PAK5: variants seen among roughly 807,000 people sequenced by gnomAD.
The protein encoded by PAK5 is serine/threonine-protein kinase PAK 5.
Under a neutral mutation model 65.9 loss-of-function variants are expected in PAK5, and 16 were observed. The observed-to-expected ratio is 0.24, with a 90% CI of 0.16 to 0.37. The LOEUF (loss-of-function observed/expected upper bound fraction) is 0.37. Ranked by LOEUF, PAK5 falls within the 10% of genes least tolerant of loss-of-function variation. The pLI is 1.00. For missense variants in PAK5, 785 were observed against 903.9 expected, an observed-to-expected ratio of 0.87 and a Z score of 1.69; for synonymous variants, 371 against 354.9, an observed-to-expected ratio of 1.05 and a Z score of -0.51.
chr20:9,834,157 G>T (rs1978964156), intron 1 of PAK5, among the ~76,000 whole-genome samples: 1 of 152,022 alleles, frequency 6.6e-6, no homozygotes, highest in African/African-American at 2.4e-5. Context: ...TTAAACATAG[G>T]CATTAAATGC....
In PAK5 at chr20:9,601,732, T is replaced by C. The variant is rs1319779039; in HGVS notation, c.205-20802A>G. 2.6e-5 allele frequency among the ~76,000 whole-genome samples: 4 copies of C among 152,024 alleles called. No individual in the cohort carries two copies. The East Asian group carries it at 5.8e-4, about 22-fold the overall frequency. On this transcript the variant is annotated intron_variant, in intron 3 of 9. Coordinates refer to ENST00000353224, the MANE Select transcript of PAK5 (RefSeq NM_177990.4). Reference sequence around the variant, plus strand: ...GGTGAACTGACAAAAGCAGAGGCTATTATATATATCGACTGGTTCCTTGAG... The same window carrying C: ...GGTGAACTGACAAAAGCAGAGGCTACTATATATATCGACTGGTTCCTTGAG...
At chr20:9,801,332 G>C (rs1467441132) in intron 1 of PAK5, among the ~76,000 whole-genome samples, 1 of 151,758 alleles carries the variant, frequency 6.6e-6, no homozygotes, top group Non-Finnish European at 1.5e-5. Context: ...TATTTATATA[G>C]ATATAAATAT....
At chr20:9,766,513 TTCAAGCAGA>T (rs1367720617) in intron 1 of PAK5, among the ~76,000 whole-genome samples, 29 of 38,874 alleles carry the variant, frequency 7.5e-4, no homozygotes, top group African/African-American at 6.7e-3. Flanking sequence ...TATATATATA[TTCAAGCAGA>T]ATATATATAT....
intron 2 of PAK5, among the ~76,000 whole-genome samples, chr20:9,663,768 C>T (rs1395331232): frequency 2.0e-5 from 3 of 152,104 alleles, no homozygotes; most frequent in Non-Finnish European, 4.4e-5. Context: ...AATATATTCC[C>T]TCAGTAGGAG....
intron 1 of PAK5, among the ~76,000 whole-genome samples, chr20:9,830,860 G>A (rs1003454016): frequency 6.6e-6 from 1 of 152,232 alleles, no homozygotes. Context: ...GGGATGCAAA[G>A]AGAGGGATGA....
intron 1 of PAK5, among the ~76,000 whole-genome samples, chr20:9,791,913 C>A (rs573472153): frequency 2.6e-4 from 40 of 152,188 alleles, no homozygotes; most frequent in African/African-American, 8.7e-4. Context: ...AAGACTTTGT[C>A]TTTGAGAACT....
intron 1 of PAK5, among the ~76,000 whole-genome samples, chr20:9,772,460 G>A (rs1198678073): frequency 1.8e-5 from 1 of 54,254 alleles, no homozygotes; most frequent in Admixed American, 1.7e-4. Flanking sequence ...GGGGATGTAT[G>A]CCATTGGTCA....
intron 1 of PAK5, among the ~76,000 whole-genome samples, chr20:9,715,073 C>A (rs929821647): frequency 3.3e-5 from 5 of 152,150 alleles, no homozygotes; most frequent in African/African-American, 1.2e-4. Flanking sequence ...AGATCTTCTG[C>A]ACAGCAAAAG....
chr20:9,578,181 T>G (rs2045919829), intron 4 of PAK5, among the ~76,000 whole-genome samples: 1 of 152,146 alleles, frequency 6.6e-6, no homozygotes, highest in South Asian at 2.1e-4. Context: ...CAACTAATTA[T>G]GAAACTGTAA....
chr20:9,550,074 T>C (rs2045402856), intron 7 of PAK5, among the ~76,000 whole-genome samples: 1 of 152,210 alleles, frequency 6.6e-6, no homozygotes, highest in African/African-American at 2.4e-5. Flanking sequence ...TAAAATGTAC[T>C]CCATGGAGAC....
intron 3 of PAK5, among the ~76,000 whole-genome samples, chr20:9,596,896 C>G (rs948774787): frequency 3.3e-5 from 5 of 152,156 alleles, no homozygotes; most frequent in African/African-American, 1.2e-4. Flanking sequence ...ACAGCAGACT[C>G]CAAGGGAGCA....
At position 9,736,955 on chromosome 20, in the gene PAK5, A is replaced by T. The variant is rs557814212; in HGVS notation, c.-161-25520T>A. ...CAGAGAAAAATAAAGTTGCCATCAG[A>T]TTTCTTATTAGAAACAGTGCAAATA... is the stretch of plus-strand genomic sequence containing the variant. On this transcript the variant is annotated intron_variant, in intron 1 of 9. Coordinates refer to ENST00000353224, the MANE Select transcript of PAK5 (RefSeq NM_177990.4). Among the ~76,000 whole-genome samples the T allele has an allele frequency of 9.9e-4, 151 of 152,302 alleles. 1 individual carries two copies. The highest frequency in any genetic ancestry group is 3.4e-3 in the Middle Eastern group (1 of 294).
Position 9,580,406 on chromosome 20 carries a change from G to A in PAK5, c.729C>T (p.Ser243=), listed in dbSNP as rs531425529. The change falls in exon 4 of 10, where the codon AGC becomes AGT. Residue 243 remains serine, a synonymous_variant. Transcript: ENST00000353224. ...ACGCCAGGCTCTCCTTGGAGCACCC[G>A]CTGGTCCCTGCAGTTCTAGAAGGTG... ...QFTPSRTAGT[S]GCSKESLAYS... 34 of 1,614,042 alleles carry A rather than the reference G, an allele frequency of 2.1e-5. 1 individual carries two copies. In the Admixed American group the frequency reaches 2.5e-4, roughly 12 times the overall value.
At chr20:9,720,090 G>A (rs1267104546) in intron 1 of PAK5, among the ~76,000 whole-genome samples, 4 of 152,060 alleles carry the variant, frequency 2.6e-5, no homozygotes, top group Admixed American at 2.6e-4. Flanking sequence ...GACAAAAGAT[G>A]AGATGGGAGA....
chr20:9,590,869 C>G (rs536788253), intron 3 of PAK5, among the ~76,000 whole-genome samples: 1 of 152,156 alleles, frequency 6.6e-6, no homozygotes, highest in Non-Finnish European at 1.5e-5. Context: ...AACAGCAATT[C>G]GAGAAGCAGA....
At chr20:9,831,029 C>T (rs1477218742) in intron 1 of PAK5, among the ~76,000 whole-genome samples, 2 of 152,164 alleles carry the variant, frequency 1.3e-5, no homozygotes, top group East Asian at 3.9e-4. Context: ...ATCAAGGCAC[C>T]CCCCCTCCTA....
At chr20:9,654,927 T>G (rs774693889) in intron 2 of PAK5, among the ~76,000 whole-genome samples, 72 of 152,320 alleles carry the variant, frequency 4.7e-4, no homozygotes, top group Non-Finnish European at 9.0e-4. Flanking sequence ...CAGAATACTT[T>G]TTTTCTTACT....
chr20:9,827,245 T>C (rs1382568123), intron 1 of PAK5, among the ~76,000 whole-genome samples: 5 of 152,230 alleles, frequency 3.3e-5, no homozygotes, highest in Non-Finnish European at 7.3e-5. Flanking sequence ...GAACTTTTCT[T>C]ATCTGCTGAG....
intron 1 of PAK5, among the ~76,000 whole-genome samples, chr20:9,712,311 C>T (rs190676601): frequency 6.6e-6 from 1 of 152,234 alleles, no homozygotes; most frequent in African/African-American, 2.4e-5. Context: ...TATAGTTCAG[C>T]ATATCCTTGC....
Sources: gnomAD v4.1 joint callset for allele counts (sites outside exome capture counted in the v4.1 genomes callset) on GRCh38, gnomAD v4.1.1 for gene constraint, MANE v1.5 for transcripts, NCBI Gene and HGNC (gene_info 2026-07-23, HGNC 2026-07-21) for gene names.